The following SLC15A1 variants were observed in gnomAD, a reference collection of about 807,000 sequenced individuals.
The protein encoded by SLC15A1 is solute carrier family 15 member 1, also known as Caco-2 oligopeptide transporter.
Under a neutral mutation model 92.9 loss-of-function variants are expected in SLC15A1, and 83 were observed. The ratio of observed to expected loss-of-function variants is 0.89; its 90% confidence interval spans 0.75 to 1.07. The LOEUF (loss-of-function observed/expected upper bound fraction) is 1.07. Among genes scored for constraint, SLC15A1 ranks in the 50% least tolerant of loss-of-function variants. The pLI, the probability that SLC15A1 is intolerant of heterozygous loss-of-function variation, is 0.00. For missense variants in SLC15A1, 857 were observed against 880.1 expected (o/e 0.97, Z 0.33); for synonymous variants, 322 against 318.2 (o/e 1.01, Z -0.13).
chr13:98,743,317 C>T (rs1487292584), intron 1 of SLC15A1, among the ~76,000 whole-genome samples: 1 of 152,192 alleles, frequency 6.6e-6, no homozygotes, highest in East Asian at 1.9e-4. Flanking sequence ...GGTTTCCACA[C>T]ACAACTATCT....
intron 1 of SLC15A1, among the ~76,000 whole-genome samples, chr13:98,728,489 A>G (rs1472298858): frequency 6.6e-6 from 1 of 152,164 alleles, no homozygotes; most frequent in Non-Finnish European, 1.5e-5. Flanking sequence ...ATTCTCACTC[A>G]TATGTAGGAG....
At chr13:98,711,673 T>C (rs2088163824) in intron 11 of SLC15A1, among the ~76,000 whole-genome samples, 181 bp downstream of exon 11, 1 of 152,148 alleles carries the variant, frequency 6.6e-6, no homozygotes, top group Non-Finnish European at 1.5e-5. Flanking sequence ...TTGGTTTTGT[T>C]TTGTTTTGTT....
At chr13:98,719,367 G>A (rs1276752785) in intron 7 of SLC15A1, 47 bp from the exon 8 acceptor site, 10 of 1,337,536 alleles carry the variant, frequency 7.5e-6, no homozygotes, top group Non-Finnish European at 1.1e-5. Context: ...TTGGTAATGA[G>A]CATATAGTTC....
At chr13:98,732,496 G>A (rs1208920480) in intron 1 of SLC15A1, among the ~76,000 whole-genome samples, 1 of 152,084 alleles carries the variant, frequency 6.6e-6, no homozygotes, top group East Asian at 1.9e-4. Flanking sequence ...GAAAACAAGA[G>A]ACTCCCCTCT....
rs764800310 is a variant in SLC15A1, at chr13:98,686,220, G to A, written c.1905C>T (p.Ile635=). 1.1e-5 allele frequency: 18 copies of A among 1,613,612 alleles called. No homozygotes were observed. The highest frequency in any genetic ancestry group is 1.3e-5 in the Non-Finnish European group (15 of 1,179,902). Residue 635 remains isoleucine, a synonymous_variant, in exon 22 of 23, where the codon ATC becomes ATT. Coordinates refer to ENST00000376503, the MANE Select transcript of SLC15A1 (RefSeq NM_005073.4). ...TGCTGAACTGGCCTGCCCCTGCCAC[G>A]ATGAGCACAATGATGTTGCCAACAG... ...TVAVGNIIVL[I]VAGAGQFSKQ... is the part of the protein sequence containing the mutation.
Position 98,688,480 on chromosome 13 carries a change from G to C in SLC15A1, c.1564C>G (p.Pro522Ala). Residue 522 changes from proline to alanine, a missense_variant, in exon 19 of 23, where the codon CCT becomes GCT. Physicochemically the swap from Pro to Ala is conservative, Grantham distance 27. Transcript: ENST00000376503. ...SYNASTYQFF[P>A]SGIKGFTISS... The stretch of plus-strand genomic sequence containing the variant: ...AGTCTCGGTACTTACATGCCAGAAG[G>C]AAAAAACTGGTATGTGCTGGCATTG... The C allele has an allele frequency of 1.2e-6, 2 of 1,613,724 alleles. No individual in the cohort carries two copies. The highest frequency in any genetic ancestry group is 2.2e-5 in the East Asian group (1 of 44,858).
At chr13:98,703,539 CTTTTTTTTTTTT>C (rs771426478) in intron 17 of SLC15A1, among the ~76,000 whole-genome samples, 16 of 85,542 alleles carry the variant, frequency 1.9e-4, no homozygotes, top group South Asian at 9.4e-4. Flanking sequence ...GCTGCTGCTG[CTTTTTTTTTTTT>C]TTTTTTTTTT....
chr13:98,687,203 T>A (rs534655680), intron 21 of SLC15A1, among the ~76,000 whole-genome samples: 326 of 152,286 alleles, frequency 2.1e-3, no homozygotes, highest in African/African-American at 7.2e-3. Context: ...ACCAAACCTA[T>A]CATGAGGACA....
chr13:98,741,458 C>T (rs527800497), intron 1 of SLC15A1, among the ~76,000 whole-genome samples: 1 of 152,216 alleles, frequency 6.6e-6, no homozygotes, highest in African/African-American at 2.4e-5. Context: ...ACTAAACATA[C>T]AAAAATTAGC....
chr13:98,725,099 C>T (rs2088288255), intron 4 of SLC15A1, among the ~76,000 whole-genome samples: 1 of 152,326 alleles, frequency 6.6e-6, no homozygotes, highest in Non-Finnish European at 1.5e-5. Flanking sequence ...CTCTCTCTCG[C>T]TTCCCCTCTG....
At chr13:98,703,390 T>G (rs984342326) in intron 17 of SLC15A1, among the ~76,000 whole-genome samples, 7 of 152,068 alleles carry the variant, frequency 4.6e-5, no homozygotes, top group Admixed American at 2.6e-4. Flanking sequence ...AACAAGCCAC[T>G]CAGCAGCTCC....
At position 98,711,896 on chromosome 13, in the gene SLC15A1, CAGGAA is replaced by C; in HGVS notation, c.853_857del (p.Phe285ValfsTer12). 6.2e-7 allele frequency: 1 copy of C among 1,613,642 alleles called. No homozygotes were observed. The highest frequency in any genetic ancestry group is 8.5e-7 in the Non-Finnish European group (1 of 1,179,928). On this transcript the variant is annotated frameshift_variant, in exon 11 of 23. Transcript: ENST00000376503. LOFTEE classifies it high-confidence loss of function. The stretch of plus-strand genomic sequence containing the variant: ...CCCAGAACATTGGGAGTGGAATATA[CAGGAA>C]CATCACCCTCGTAACCATCTTAATT...
chr13:98,711,003 C>G (rs1365453858), intron 11 of SLC15A1, among the ~76,000 whole-genome samples: 3 of 151,862 alleles, frequency 2.0e-5, no homozygotes, highest in Non-Finnish European at 4.4e-5. Context: ...GAGTGTGTTT[C>G]CAGTGACCGG....
At position 98,721,539 on chromosome 13, in the gene SLC15A1, T is replaced by C. The variant is rs763937158; in HGVS notation, c.512A>G (p.Asn171Ser). Residue 171 changes from asparagine to serine, a missense_variant, in exon 7 of 23, where the codon AAT becomes AGT. Asn to Ser is a conservative substitution (Grantham distance 46). Coordinates refer to ENST00000376503, the MANE Select transcript of SLC15A1 (RefSeq NM_005073.4). ...RFFSIFYLAI[N>S]AGSLLSTIIT... ...GATTGTGGAAAGCAAACTTCCAGCA[T>C]TAATAGCCAAGTAAAAGATGGAAAA... 2 of 1,610,316 alleles carry C rather than the reference T, an allele frequency of 1.2e-6. No homozygotes were observed. The highest frequency in any genetic ancestry group is 1.7e-6 in the Non-Finnish European group (2 of 1,177,834).
intron 22 of SLC15A1, among the ~76,000 whole-genome samples, 190 bp downstream of exon 22, chr13:98,685,996 AAAAG>A (rs200152519): frequency 8.6e-5 from 13 of 150,344 alleles, no homozygotes; most frequent in East Asian, 1.9e-4. Flanking sequence ...AAAAAAAAAA[AAAAG>A]AAGAAGAAGA....
At chr13:98,721,000 C>G (rs112947509) in intron 7 of SLC15A1, 5,532 of 390,510 alleles carry the variant, frequency 0.014, 65 homozygotes, top group Middle Eastern at 0.033. Context: ...TGCAGTGAGC[C>G]AAGATCACGC....
intron 9 of SLC15A1, among the ~76,000 whole-genome samples, chr13:98,714,959 T>A (rs897500201): frequency 2.0e-5 from 3 of 152,154 alleles, no homozygotes; most frequent in African/African-American, 7.2e-5. Flanking sequence ...CCTATGGAGG[T>A]ACTTATGGAA....
At chr13:98,696,571 C>A (rs1012613953) in intron 18 of SLC15A1, among the ~76,000 whole-genome samples, 1 of 152,124 alleles carries the variant, frequency 6.6e-6, no homozygotes. Context: ...CATTCTGAGG[C>A]GAAAGGGAAA....
intron 18 of SLC15A1, among the ~76,000 whole-genome samples, chr13:98,699,636 G>A (rs1465983723): frequency 6.6e-6 from 1 of 152,134 alleles, no homozygotes; most frequent in Non-Finnish European, 1.5e-5. Context: ...AAATATCTAG[G>A]AGTGGGATGG....
Sources: gnomAD v4.1 joint callset for allele counts (sites outside exome capture counted in the v4.1 genomes callset) on GRCh38, gnomAD v4.1.1 for gene constraint, MANE v1.5 for transcripts, NCBI Gene and HGNC (gene_info 2026-07-23, HGNC 2026-07-21) for gene names.